Variants in PLPP1 observed in about 807,000 individuals in gnomAD.
PLPP1 encodes phospholipid phosphatase 1.
Under a neutral mutation model 31.2 loss-of-function variants are expected in PLPP1, and 24 were observed. That is an observed-to-expected ratio of 0.77 (90% confidence interval 0.56 to 1.08). The LOEUF (loss-of-function observed/expected upper bound fraction) is 1.08, where lower values mean the gene tolerates loss of function less well. Among genes scored for constraint, PLPP1 ranks in the 50% least tolerant of loss-of-function variants. PLPP1 has a pLI of 0.00. For missense variants in PLPP1, 319 were observed against 342.7 expected (o/e 0.93, Z 0.55); for synonymous variants, 146 against 126.3 (o/e 1.16, Z -1.05).
At chr5:55,466,246 C>T (rs1579942981) in intron 3 of PLPP1, among the ~76,000 whole-genome samples, 1 of 152,156 alleles carries the variant, frequency 6.6e-6, no homozygotes, top group Non-Finnish European at 1.5e-5. Flanking sequence ...CAAGCAAGTT[C>T]TCTTCCATTC....
chr5:55,469,195 T>A (rs1752367248), intron 2 of PLPP1, among the ~76,000 whole-genome samples: 1 of 151,922 alleles, frequency 6.6e-6, no homozygotes, highest in Non-Finnish European at 1.5e-5. Context: ...GAAACCAAAA[T>A]AAACAGTTAA....
At position 55,530,221 on chromosome 5, in the gene PLPP1, G is replaced by T. The variant is rs943042490; in HGVS notation, c.58+4351C>A. 7.1e-6 allele frequency: 10 copies of T among 1,407,110 alleles called. No homozygotes were observed. In the East Asian group the frequency reaches 2.3e-4, roughly 32 times the overall value. 87.2% of individuals were successfully genotyped at this position (1,407,110 alleles called of 1,614,324 possible). On this transcript the variant is annotated intron_variant, in intron 1 of 5. Transcript: ENST00000307259. Reference sequence around the variant, plus strand: ...CATTGAGTTTCTTCATCTAGCTGAAGATTCACAAATTCTCCATAATCAAAC... The same window carrying T: ...CATTGAGTTTCTTCATCTAGCTGAATATTCACAAATTCTCCATAATCAAAC...
intron 2 of PLPP1, among the ~76,000 whole-genome samples, chr5:55,471,202 A>ATT (rs113348948): frequency 4.2e-4 from 59 of 139,628 alleles, no homozygotes; most frequent in South Asian, 2.8e-3. Context: ...ATCAGATCAG[A>ATT]TTTTTTTTTT....
intron 1 of PLPP1, among the ~76,000 whole-genome samples, chr5:55,528,649 G>A (rs1291343361): frequency 3.9e-5 from 6 of 152,034 alleles, no homozygotes; most frequent in Non-Finnish European, 1.5e-5. Context: ...TAATACACTG[G>A]GCTAAAACAT....
At chr5:55,484,214 A>T (rs1189189710) in intron 1 of PLPP1, among the ~76,000 whole-genome samples, 2 of 152,134 alleles carry the variant, frequency 1.3e-5, no homozygotes, top group African/African-American at 2.4e-5. Context: ...CACCTTTGAT[A>T]CATAAATCTT....
At chr5:55,427,490 A>G (rs1268047912) in intron 4 of PLPP1, among the ~76,000 whole-genome samples, 2 of 152,178 alleles carry the variant, frequency 1.3e-5, no homozygotes, top group Non-Finnish European at 2.9e-5. Flanking sequence ...GAAAAAAGTA[A>G]GTAGTCAAAT....
At chr5:55,473,102 T>C (rs1444146581) in intron 2 of PLPP1, among the ~76,000 whole-genome samples, 1 of 152,246 alleles carries the variant, frequency 6.6e-6, no homozygotes, top group Non-Finnish European at 1.5e-5. Flanking sequence ...AAATGTTATA[T>C]TTAATTGCTT....
chr5:55,477,166 CAAGTTTTCA>C (rs1477776189), intron 1 of PLPP1, among the ~76,000 whole-genome samples: 10 of 152,046 alleles, frequency 6.6e-5, no homozygotes, highest in Non-Finnish European at 5.9e-5. Context: ...GTAAAATGGC[CAAGTTTTCA>C]ATACATATAC....
chr5:55,500,198 G>A (rs1753108260), intron 1 of PLPP1, among the ~76,000 whole-genome samples: 1 of 150,534 alleles, frequency 6.6e-6, no homozygotes, highest in Non-Finnish European at 1.5e-5. Flanking sequence ...TCCTACCTCA[G>A]CCTCCCGAGT....
chr5:55,529,586 T>G (rs2111958787), intron 1 of PLPP1, among the ~76,000 whole-genome samples: 1 of 152,296 alleles, frequency 6.6e-6, no homozygotes, highest in East Asian at 1.9e-4. Context: ...CTTTCACTTT[T>G]TAAAGAATTA....
intron 1 of PLPP1, among the ~76,000 whole-genome samples, chr5:55,490,734 A>C (rs1293382311): frequency 2.6e-5 from 4 of 152,148 alleles, no homozygotes; most frequent in Non-Finnish European, 5.9e-5. Flanking sequence ...AAAAATAATC[A>C]TTCTATCATT....
chr5:55,458,389 C>T (rs1164411909), intron 3 of PLPP1, among the ~76,000 whole-genome samples: 1 of 151,356 alleles, frequency 6.6e-6, no homozygotes, highest in East Asian at 1.9e-4. Context: ...TACATATATG[C>T]TTTTTTTTCC....
At chr5:55,462,747 G>A (rs1752193271) in intron 3 of PLPP1, among the ~76,000 whole-genome samples, 1 of 152,116 alleles carries the variant, frequency 6.6e-6, no homozygotes, top group Non-Finnish European at 1.5e-5. Flanking sequence ...GCCAAGGTGG[G>A]CGGATCACGA....
At chr5:55,443,192 A>AAAAAATATATATATATAT in intron 3 of PLPP1, among the ~76,000 whole-genome samples, 6 of 25,440 alleles carry the variant, frequency 2.4e-4, no homozygotes, top group Admixed American at 7.8e-4. Flanking sequence ...AAAAAAAAAA[A>AAAAAATATATATATATAT]ATATATATAT....
chr5:55,494,434 G>A (rs78802085), intron 1 of PLPP1, among the ~76,000 whole-genome samples: 101 of 152,266 alleles, frequency 6.6e-4, no homozygotes, highest in African/African-American at 2.3e-3. Flanking sequence ...GAAGTTGCCA[G>A]GGGGAGCTCA....
At chr5:55,487,022 AC>A (rs1752789261) in intron 1 of PLPP1, among the ~76,000 whole-genome samples, 1 of 152,240 alleles carries the variant, frequency 6.6e-6, no homozygotes, top group African/African-American at 2.4e-5. Context: ...TAAGTTGGTC[AC>A]AAACATTGGC....
rs535690359 is a variant in PLPP1 at position 55,465,104 on chromosome 5, C to T, written c.491+2765G>A. Among the ~76,000 whole-genome samples the T allele has an allele frequency of 2.1e-4, 31 of 150,002 alleles. 1 individual carries two copies. In the South Asian group the frequency reaches 5.5e-3, roughly 26 times the overall value. The stretch of plus-strand genomic sequence containing the variant: ...TGTTACACAGGCTGGAGTGCAGTGG[C>T]GCAATCTCTGCTCACTGCAACCTCT... On this transcript the variant is annotated intron_variant, in intron 3 of 5. Transcript: ENST00000307259.
chr5:55,443,241 A>G (rs1478562768), intron 3 of PLPP1, among the ~76,000 whole-genome samples: 5 of 143,402 alleles, frequency 3.5e-5, no homozygotes, highest in African/African-American at 1.3e-4. Context: ...ACACATATAT[A>G]TGATTCTACC....
At chr5:55,459,553 G>A (rs1752106033) in intron 3 of PLPP1, among the ~76,000 whole-genome samples, 1 of 152,174 alleles carries the variant, frequency 6.6e-6, no homozygotes, top group Admixed American at 6.5e-5. Context: ...GGCCCAGGGG[G>A]ATGGGAATCA....
Sources: allele counts gnomAD v4.1 joint callset (sites outside exome capture counted in the v4.1 genomes callset), GRCh38; gene constraint gnomAD v4.1.1; transcripts MANE v1.5; gene names NCBI Gene and HGNC (gene_info 2026-07-23, HGNC 2026-07-21).